The following DLG1 variants were observed in gnomAD, a reference collection of about 807,000 sequenced individuals.
DLG1 encodes the protein discs large MAGUK scaffold protein 1.
A neutral mutation model predicts 123.4 loss-of-function variants in DLG1; 42 were observed. That is an observed-to-expected ratio of 0.34 (90% CI 0.27 to 0.44). The LOEUF is 0.44. Ranked by LOEUF, DLG1 falls within the 20% of genes least tolerant of loss-of-function variation. The pLI is 1.00. For synonymous variants in DLG1, 317 were observed against 356.2 expected (o/e 0.89, Z 1.24); for missense variants, 942 against 1,082.6 (o/e 0.87, Z 1.82).
chr3:197,189,948 T>A (rs1201392242), intron 5 of DLG1, among the ~76,000 whole-genome samples: 1 of 152,194 alleles, frequency 6.6e-6, no homozygotes, highest in Non-Finnish European at 1.5e-5. Flanking sequence ...ACACTTTAAT[T>A]AATAACATAC....
rs150473647 is a variant in DLG1 at position 197,290,404 on chromosome 3, T to C, written c.151+5942A>G. Among the ~76,000 whole-genome samples the C allele has an allele frequency of 1.3e-3, 204 of 152,168 alleles. 1 individual carries two copies. The highest frequency in any genetic ancestry group is 6.4e-3 in the East Asian group (33 of 5,180). On this transcript the variant is annotated intron_variant, in intron 3 of 24. Transcript: ENST00000667157. ...GTGTTAAAGTGTCTCCCCCACATAT[T>C]GCCTATAAGCCACAAGGGGTAAAAA...
At chr3:197,137,505 A>C (rs1276810915) in intron 9 of DLG1, among the ~76,000 whole-genome samples, 2 of 152,244 alleles carry the variant, frequency 1.3e-5, no homozygotes, top group Non-Finnish European at 2.9e-5. Context: ...AAGAATACTT[A>C]ATACAAATAG....
Position 197,140,253 on chromosome 3 carries a change from C to T in DLG1, c.600G>A (p.Gly200=). The change falls in exon 8 of 25, where the codon GGG becomes GGA. Residue 200 remains glycine, a synonymous_variant. Coordinates refer to ENST00000667157, the MANE Select transcript of DLG1 (RefSeq NM_001366207.1). ...EEITLERGNS[G]LGFSIAGGTD... is the part of the protein sequence containing the mutation. ...TACCTCCTGCAATGCTGAAACCAAGCCCTGAATTTCCCTGAGGATAGAAGA... is the reference window on the plus strand; with the variant it reads ...TACCTCCTGCAATGCTGAAACCAAGTCCTGAATTTCCCTGAGGATAGAAGA... 1 of 1,612,658 alleles carries T rather than the reference C, an allele frequency of 6.2e-7. No individual in the cohort carries two copies. The highest frequency in any genetic ancestry group is 1.1e-5 in the South Asian group (1 of 90,852).
At position 197,297,171 on chromosome 3, in the gene DLG1, G is replaced by A. The variant is rs1777848609; in HGVS notation, c.19+15C>T. 2 of 1,613,864 alleles carry A rather than the reference G, an allele frequency of 1.2e-6. No individual in the cohort carries two copies. The highest frequency in any genetic ancestry group is 2.2e-5 in the East Asian group (1 of 44,878). ...CAAGTGACATCGACAACAGAGTTAC[G>A]GAATAAACTCTCACCTTGCTTCCGG... is the stretch of plus-strand genomic sequence containing the variant. On this transcript the variant is annotated intron_variant, in intron 2 of 24. Transcript: ENST00000667157.
intron 4 of DLG1, among the ~76,000 whole-genome samples, chr3:197,273,954 G>A (rs1765176015): frequency 6.6e-6 from 1 of 150,450 alleles, no homozygotes. Flanking sequence ...AAAGTGAAGA[G>A]GACACAAAAA....
intron 4 of DLG1, among the ~76,000 whole-genome samples, chr3:197,245,601 T>G (rs1320789039): frequency 6.6e-6 from 1 of 152,196 alleles, no homozygotes; most frequent in Non-Finnish European, 1.5e-5. Context: ...AGTGGGTTTC[T>G]TGATGTAGCT....
intron 4 of DLG1, among the ~76,000 whole-genome samples, chr3:197,198,982 TTAG>T (rs1442178487): frequency 6.6e-6 from 1 of 152,178 alleles, no homozygotes; most frequent in East Asian, 1.9e-4. Context: ...CTGAAATTAG[TTAG>T]TGGTGGTAGG....
At chr3:197,092,389 T>C (rs1039610726) in intron 14 of DLG1, among the ~76,000 whole-genome samples, 1 of 152,204 alleles carries the variant, frequency 6.6e-6, no homozygotes, top group African/African-American at 2.4e-5. Flanking sequence ...ATTACAACAG[T>C]GAATTAGACC....
chr3:197,272,017 C>T (rs1044767914), intron 4 of DLG1, among the ~76,000 whole-genome samples: 1 of 152,202 alleles, frequency 6.6e-6, no homozygotes, highest in East Asian at 1.9e-4. Flanking sequence ...ATCCACACTC[C>T]TCTACAACTG....
At chr3:197,075,564 A>G (rs184443798) in intron 18 of DLG1, among the ~76,000 whole-genome samples, 2 of 152,250 alleles carry the variant, frequency 1.3e-5, no homozygotes, top group East Asian at 1.9e-4. Context: ...AAAAGTTCCT[A>G]GCAAAAGTAA....
chr3:197,103,652 A>C (rs1764741114), intron 14 of DLG1, among the ~76,000 whole-genome samples: 1 of 151,342 alleles, frequency 6.6e-6, no homozygotes, highest in Non-Finnish European at 1.5e-5. Context: ...TAAAAGGCCA[A>C]GGTTTTACTA....
chr3:197,043,952 G>A lies in DLG1; in HGVS notation c.*671C>T, dbSNP rs1031484011. 1.3e-5 allele frequency: 2 copies of A among 152,124 alleles called. No individual in the cohort carries two copies. Among genetic ancestry groups the A allele is most frequent in the Non-Finnish European group, 2.9e-5 (2 of 68,010 alleles). 9.4% of individuals were successfully genotyped at this position (152,124 alleles called of 1,614,324 possible). A position where few individuals can be genotyped will look rare whatever the true frequency, so the allele number is the denominator to read the frequency against. The stretch of plus-strand genomic sequence containing the variant: ...AACAACTTTTGTAAGACACGATAGT[G>A]TTGCTCAAGTAGATTAAAAACATTG... On this transcript the variant is annotated 3_prime_UTR_variant, in exon 25 of 25. Transcript: ENST00000667157.
chr3:197,043,525 CCAAA>C lies in DLG1; in HGVS notation c.*1094_*1097del, dbSNP rs1721266457. ...ATTCAATTAATATTTAATTTAAAAACCAAACAAAAAGTTAGGAGTAGGTGGCAAA... is the reference window on the plus strand; with the variant it reads ...ATTCAATTAATATTTAATTTAAAAACCAAAAAGTTAGGAGTAGGTGGCAAA... On this transcript the variant is annotated 3_prime_UTR_variant, in exon 25 of 25. Transcript: ENST00000667157. The C allele has an allele frequency of 6.6e-6, 1 of 151,638 alleles. No individual in the cohort carries two copies. The highest frequency in any genetic ancestry group is 1.5e-5 in the Non-Finnish European group (1 of 67,912). The allele number at this position is 151,638 out of a possible 1,614,324, so 9.4% of individuals were successfully genotyped here.
chr3:197,080,267 C>CTTTTTTTTTTTTTTTT (rs767056279), intron 17 of DLG1, among the ~76,000 whole-genome samples: 1 of 51,904 alleles, frequency 1.9e-5, no homozygotes, highest in African/African-American at 8.3e-5. Context: ...GATATATTTC[C>CTTTTTTTTTTTTTTTT]TTTTTTTTTT....
chr3:197,073,322 G>A (rs1188106017), intron 18 of DLG1, among the ~76,000 whole-genome samples: 2 of 152,176 alleles, frequency 1.3e-5, no homozygotes, highest in South Asian at 2.1e-4. Flanking sequence ...TTGTAAAAAT[G>A]GAAAGCCTAC....
intron 4 of DLG1, among the ~76,000 whole-genome samples, chr3:197,214,633 T>G (rs1267837902): frequency 1.3e-5 from 2 of 152,098 alleles, no homozygotes; most frequent in Non-Finnish European, 2.9e-5. Context: ...ACATAAAATT[T>G]AAAACTTTTG....
intron 14 of DLG1, among the ~76,000 whole-genome samples, chr3:197,104,551 G>A (rs1173374813): frequency 2.0e-5 from 3 of 152,030 alleles, no homozygotes; most frequent in Non-Finnish European, 4.4e-5. Flanking sequence ...GTATGGTGGT[G>A]CATGCCTGTA....
intron 3 of DLG1, among the ~76,000 whole-genome samples, chr3:197,289,622 A>G (rs1247781437): frequency 6.6e-6 from 1 of 152,244 alleles, no homozygotes; most frequent in East Asian, 1.9e-4. Flanking sequence ...AAGTATGATT[A>G]TTCAGACAAT....
At chr3:197,093,730 AGTTCT>A (rs1759082450) in intron 14 of DLG1, among the ~76,000 whole-genome samples, 3 of 152,112 alleles carry the variant, frequency 2.0e-5, no homozygotes, top group Admixed American at 6.5e-5. Flanking sequence ...AATTGTTCTC[AGTTCT>A]GTTCTTACCA....
Sources: allele counts gnomAD v4.1 joint callset (sites outside exome capture counted in the v4.1 genomes callset), GRCh38; gene constraint gnomAD v4.1.1; transcripts MANE v1.5; gene names NCBI Gene and HGNC (gene_info 2026-07-23, HGNC 2026-07-21).